The following DENND2A variants were observed in gnomAD, a reference collection of about 807,000 sequenced individuals.
DENND2A encodes the protein DENN domain-containing protein 2A.
Under a neutral mutation model 105.3 loss-of-function variants are expected in DENND2A, and 53 were observed. The observed-to-expected ratio is 0.50, with a 90% CI of 0.40 to 0.63. DENND2A has a LOEUF of 0.63. DENND2A is among the 30% of genes least tolerant of loss of function. The pLI is 0.00. For synonymous variants in DENND2A, 522 were observed against 508.4 expected, an observed-to-expected ratio of 1.03 and a Z score of -0.36; for missense variants, 1,138 against 1,279.6, an observed-to-expected ratio of 0.89 and a Z score of 1.69.
Position 140,518,576 on chromosome 7 carries a change from G to C in DENND2A, c.*131C>G, listed in dbSNP as rs780053859. The C allele has an allele frequency of 1.1e-5, 10 of 920,790 alleles. No homozygotes were observed. Among genetic ancestry groups the C allele is most frequent in the Middle Eastern group, 2.2e-4 (1 of 4,452 alleles). 57.0% of individuals were successfully genotyped at this position (920,790 alleles called of 1,614,324 possible). On this transcript the variant is annotated 3_prime_UTR_variant, in exon 20 of 20. Transcript: ENST00000496613. ...CTCATCCAGGGAAGAGCCCAGCCTC[G>C]GCCAGAAGCCACCGCGGCCTCCAGT...
intron 14 of DENND2A, among the ~76,000 whole-genome samples, chr7:140,529,449 A>G (rs1201645825): frequency 2.6e-5 from 4 of 152,236 alleles, no homozygotes; most frequent in Non-Finnish European, 4.4e-5. Context: ...TACTGGGTAT[A>G]TACCCAAAGG....
chr7:140,614,407 G>A (rs553787632), intron 1 of DENND2A, among the ~76,000 whole-genome samples: 2 of 152,214 alleles, frequency 1.3e-5, no homozygotes, highest in Admixed American at 1.3e-4. Context: ...ACCTGGCCAG[G>A]AGACAGATCT....
chr7:140,632,949 C>T (rs1800784235), intron 1 of DENND2A, among the ~76,000 whole-genome samples: 1 of 151,440 alleles, frequency 6.6e-6, no homozygotes, highest in Admixed American at 6.6e-5. Flanking sequence ...GCAACCTCCA[C>T]CTCCTGGGTT....
intron 1 of DENND2A, among the ~76,000 whole-genome samples, chr7:140,622,955 T>G (rs1192776404): frequency 6.6e-6 from 1 of 152,050 alleles, no homozygotes; most frequent in Non-Finnish European, 1.5e-5. Flanking sequence ...AAAGCCCCCA[T>G]TAGGTTTGCC....
chr7:140,623,124 C>G (rs1448478331), intron 1 of DENND2A, among the ~76,000 whole-genome samples: 4 of 149,190 alleles, frequency 2.7e-5, no homozygotes, highest in Admixed American at 1.3e-4. Context: ...TACCTGAACT[C>G]AGGAGTTCGA....
At chr7:140,550,492 T>C (rs1317792824) in intron 12 of DENND2A, among the ~76,000 whole-genome samples, 1 of 152,176 alleles carries the variant, frequency 6.6e-6, no homozygotes. Flanking sequence ...GGCTAATTTT[T>C]GTATTTTTAG....
intron 14 of DENND2A, 44 bp downstream of exon 14, chr7:140,544,574 G>A (rs375246547): frequency 4.4e-5 from 71 of 1,613,132 alleles, no homozygotes; most frequent in African/African-American, 2.3e-4. Flanking sequence ...GTCCAAGAGC[G>A]ACTGTCATTC....
At chr7:140,552,768 C>A (rs995775009) in intron 12 of DENND2A, among the ~76,000 whole-genome samples, 16 of 152,152 alleles carry the variant, frequency 1.1e-4, no homozygotes, top group African/African-American at 3.4e-4. Context: ...TGCAGTGATA[C>A]GATCACAGCT....
At chr7:140,541,577 C>CT (rs1198352925) in intron 14 of DENND2A, among the ~76,000 whole-genome samples, 4 of 152,172 alleles carry the variant, frequency 2.6e-5, no homozygotes. Flanking sequence ...AAGACAGTTA[C>CT]TATGGTGCTG....
intron 8 of DENND2A, 107 bp from the exon 9 acceptor site, chr7:140,567,380 C>T (rs1238741103): frequency 3.9e-6 from 4 of 1,019,070 alleles, no homozygotes; most frequent in Non-Finnish European, 5.5e-6. Context: ...GACCATGAGT[C>T]CATGTGGAAT....
At chr7:140,563,837 G>C (rs2130583768) in intron 9 of DENND2A, among the ~76,000 whole-genome samples, 1 of 152,160 alleles carries the variant, frequency 6.6e-6, no homozygotes, top group East Asian at 1.9e-4. Flanking sequence ...AATAAGCTGG[G>C]CATGGTTGCA....
In DENND2A at chr7:140,559,829, A is replaced by G; in HGVS notation, c.1780-12T>C. The G allele has an allele frequency of 6.3e-7, 1 of 1,594,892 alleles. No individual in the cohort carries two copies. Among genetic ancestry groups the G allele is most frequent in the African/African-American group, 1.3e-5 (1 of 74,664 alleles). On this transcript the variant is annotated splice_polypyrimidine_tract_variant and intron_variant, in intron 9 of 19. Coordinates refer to ENST00000496613, the MANE Select transcript of DENND2A (RefSeq NM_015689.5). The surrounding 1 kb of genome is among the most constrained non-coding windows in gnomAD (Gnocchi z 4.1). ...AAAGACCTTTCCAACTGCAGGGAGAAAGGTGAGAGAAAATTCGAGAACAAA... is the reference window on the plus strand; with the variant it reads ...AAAGACCTTTCCAACTGCAGGGAGAGAGGTGAGAGAAAATTCGAGAACAAA...
intron 14 of DENND2A, among the ~76,000 whole-genome samples, chr7:140,543,415 G>A (rs534749874): frequency 7.9e-5 from 12 of 151,100 alleles, no homozygotes; most frequent in Admixed American, 6.6e-4. Flanking sequence ...GATTACAGGC[G>A]TGAGCCACCA....
At chr7:140,583,117 C>T (rs372048739) in intron 5 of DENND2A, among the ~76,000 whole-genome samples, 1 of 151,386 alleles carries the variant, frequency 6.6e-6, no homozygotes. Context: ...CGGTGAAACC[C>T]CATCTCTACT....
In DENND2A at chr7:140,564,294, A is replaced by ATACAC. The variant is rs60977409; in HGVS notation, c.1779+2791_1779+2792insGTGTA. Among the ~76,000 whole-genome samples, 277 of 142,048 alleles carry ATACAC rather than the reference A, an allele frequency of 2.0e-3. 2 individuals are homozygous for ATACAC. The East Asian group carries it at 0.031, about 16-fold the overall frequency. 93.2% of individuals were successfully genotyped at this position (142,048 alleles called of 152,430 possible). ...TGAGACTGTGTCAAAAAAAAAAAAA[A>ATACAC]AAATACACACACACACACAGAAACA... On this transcript the variant is annotated intron_variant, in intron 9 of 19. Coordinates refer to ENST00000496613, the MANE Select transcript of DENND2A (RefSeq NM_015689.5).
At chr7:140,632,862 G>A (rs1002592846) in intron 1 of DENND2A, among the ~76,000 whole-genome samples, 5 of 141,940 alleles carry the variant, frequency 3.5e-5, no homozygotes, top group African/African-American at 1.4e-4. Context: ...ACCATGCCTG[G>A]CCTTTTTTTT....
intron 14 of DENND2A, among the ~76,000 whole-genome samples, chr7:140,536,698 T>A (rs921913825): frequency 3.9e-5 from 6 of 152,188 alleles, no homozygotes; most frequent in African/African-American, 1.2e-4. Context: ...GGAGTCTTGC[T>A]CTGTTGCCCA....
At chr7:140,604,903 A>G (rs766706239) in intron 2 of DENND2A, among the ~76,000 whole-genome samples, 2 of 152,250 alleles carry the variant, frequency 1.3e-5, no homozygotes, top group African/African-American at 4.8e-5. Context: ...TTAACATGTA[A>G]TGTGCTCAAA....
At chr7:140,571,880 G>A (rs1798106822) in intron 6 of DENND2A, among the ~76,000 whole-genome samples, 1 of 152,066 alleles carries the variant, frequency 6.6e-6, no homozygotes, top group Non-Finnish European at 1.5e-5. Context: ...CCTCAGACTT[G>A]CCAAGTCCTT....
Sources: gnomAD v4.1 joint callset for allele counts (sites outside exome capture counted in the v4.1 genomes callset) on GRCh38, gnomAD v4.1.1 for gene constraint, Gnocchi (gnomAD v3.1) non-coding constraint, MANE v1.5 for transcripts, NCBI Gene and HGNC (gene_info 2026-07-23, HGNC 2026-07-21) for gene names.